ADAMTSL1: variants seen among roughly 807,000 people sequenced by gnomAD.
The protein encoded by ADAMTSL1 is ADAMTS like 1.
Under a neutral mutation model 201.8 loss-of-function variants are expected in ADAMTSL1, and 126 were observed. The ratio of observed to expected loss-of-function variants is 0.62; its 90% CI spans 0.54 to 0.72. ADAMTSL1 has a LOEUF of 0.72. Among genes scored for constraint, ADAMTSL1 ranks in the 30% least tolerant of loss-of-function variants. The pLI, the probability that ADAMTSL1 is intolerant of heterozygous loss-of-function variation, is 0.00. For synonymous variants in ADAMTSL1, 1,121 were observed against 903.4 expected, an observed-to-expected ratio of 1.24 and a Z score of -4.32; for missense variants, 2,679 against 2,277.8, an observed-to-expected ratio of 1.18 and a Z score of -3.59.
intron 1 of ADAMTSL1, among the ~76,000 whole-genome samples, chr9:18,104,306 C>T (rs1824660712): frequency 6.6e-6 from 1 of 152,154 alleles, no homozygotes; most frequent in South Asian, 2.1e-4. Flanking sequence ...TGCATGCTTC[C>T]CTTCCACTGA....
chr9:18,191,412 A>G (rs1828963649), intron 2 of ADAMTSL1, among the ~76,000 whole-genome samples: 1 of 152,166 alleles, frequency 6.6e-6, no homozygotes, highest in Non-Finnish European at 1.5e-5. Context: ...GACTGATGGC[A>G]TCTCAGGCGA....
chr9:18,855,003 C>A (rs994480578), intron 23 of ADAMTSL1, among the ~76,000 whole-genome samples: 16 of 152,262 alleles, frequency 1.1e-4, no homozygotes, highest in Admixed American at 2.0e-4. Context: ...GCCACTGATG[C>A]CTCTTTGAGT....
chr9:18,238,470 G>T (rs1830934540), intron 2 of ADAMTSL1, among the ~76,000 whole-genome samples: 1 of 152,014 alleles, frequency 6.6e-6, no homozygotes, highest in Non-Finnish European at 1.5e-5. Context: ...GGTCATAACT[G>T]GGTGCCAGTC....
chr9:18,520,707 C>T (rs7041646), intron 2 of ADAMTSL1, among the ~76,000 whole-genome samples: 3 of 152,200 alleles, frequency 2.0e-5, no homozygotes, highest in African/African-American at 7.2e-5. Flanking sequence ...TGGATGATGC[C>T]TGGCAGCATG....
intron 1 of ADAMTSL1, among the ~76,000 whole-genome samples, chr9:18,097,786 G>A (rs1824319946): frequency 6.6e-6 from 1 of 151,632 alleles, no homozygotes; most frequent in Middle Eastern, 3.2e-3. Flanking sequence ...TTCCTAGGTT[G>A]TAAAGATTCT....
chr9:18,374,656 C>T (rs1196697778), intron 2 of ADAMTSL1, among the ~76,000 whole-genome samples: 1 of 152,116 alleles, frequency 6.6e-6, no homozygotes, highest in Non-Finnish European at 1.5e-5. Context: ...CTTTTTTAAA[C>T]ATTATTCCTG....
intron 2 of ADAMTSL1, among the ~76,000 whole-genome samples, chr9:18,244,848 G>A (rs1202376160): frequency 1.3e-5 from 2 of 152,024 alleles, no homozygotes; most frequent in African/African-American, 4.8e-5. Flanking sequence ...CCACCCTACT[G>A]TAACCTCATT....
At chr9:18,684,601 A>C (rs1830709880) in intron 12 of ADAMTSL1, 115 bp from the exon 13 acceptor site, 6 of 1,191,826 alleles carry the variant, frequency 5.0e-6, no homozygotes, top group Non-Finnish European at 6.7e-6. Flanking sequence ...TTACCCAAAA[A>C]CTTATTCGTG....
chr9:18,221,373 T>C (rs568347201), intron 2 of ADAMTSL1, among the ~76,000 whole-genome samples: 43 of 152,344 alleles, frequency 2.8e-4, no homozygotes, highest in South Asian at 1.9e-3. Flanking sequence ...CCTTTATGTG[T>C]TCACACAGTG....
At chr9:17,926,430 C>G (rs910506944) in intron 1 of ADAMTSL1, among the ~76,000 whole-genome samples, 2 of 152,024 alleles carry the variant, frequency 1.3e-5, no homozygotes, top group African/African-American at 2.4e-5. Flanking sequence ...GTCAGGAACG[C>G]TTGGCTCACT....
In ADAMTSL1 at chr9:18,056,353, G is replaced by T. The variant is rs186713989; in HGVS notation, c.88-107509G>T. ...AGGCAGGGTTGGATTCATTTAGTATGTAATGGCTTAGACAAGAGCGTGTTT... is the reference window on the plus strand; with the variant it reads ...AGGCAGGGTTGGATTCATTTAGTATTTAATGGCTTAGACAAGAGCGTGTTT... On this transcript the variant is annotated intron_variant, in intron 1 of 29. Transcript: ENST00000680146. Among the ~76,000 whole-genome samples, 4 of 152,280 alleles carry T rather than the reference G, an allele frequency of 2.6e-5. No individual in the cohort carries two copies. The East Asian group carries it at 7.7e-4, about 29-fold the overall frequency.
chr9:18,706,411 A>G (rs563128088), intron 13 of ADAMTSL1, among the ~76,000 whole-genome samples: 11 of 152,224 alleles, frequency 7.2e-5, no homozygotes, highest in Admixed American at 1.3e-4. Context: ...ACAAATTCCT[A>G]TCTCATTGGA....
At chr9:18,650,173 G>T (rs538122513) in intron 7 of ADAMTSL1, among the ~76,000 whole-genome samples, 2 of 152,314 alleles carry the variant, frequency 1.3e-5, no homozygotes, top group South Asian at 4.1e-4. Context: ...GTGAGACTCC[G>T]TGGGCGTGGG....
At chr9:18,882,374 G>C (rs550963907) in intron 23 of ADAMTSL1, among the ~76,000 whole-genome samples, 42 of 152,068 alleles carry the variant, frequency 2.8e-4, no homozygotes, top group Admixed American at 2.7e-3. Context: ...AGGGAGACAC[G>C]CATTTGCCTA....
At chr9:18,772,075 AGCATGTGTACATTTGTGTGTGTGT>A (rs1429473160) in intron 17 of ADAMTSL1, among the ~76,000 whole-genome samples, 4 of 152,206 alleles carry the variant, frequency 2.6e-5, no homozygotes, top group Non-Finnish European at 5.9e-5. Context: ...GTGTAAAATG[AGCATGTGTACATTTGTGTGTGTGT>A]GCATGTGCAT....
chr9:18,263,532 A>G (rs556659403), intron 2 of ADAMTSL1, among the ~76,000 whole-genome samples: 2 of 152,222 alleles, frequency 1.3e-5, no homozygotes, highest in Admixed American at 6.5e-5. Context: ...GCTCTCATTT[A>G]TATGTTGACA....
chr9:17,913,436 G>C (rs1274544297), intron 1 of ADAMTSL1, among the ~76,000 whole-genome samples: 1 of 152,060 alleles, frequency 6.6e-6, no homozygotes, highest in East Asian at 1.9e-4. Context: ...GGATTCCTAG[G>C]TATTTTATTC....
In ADAMTSL1 at chr9:18,343,340, A is replaced by T. The variant is rs61119454; in HGVS notation, c.208-161489A>T. Reference sequence around the variant, plus strand: ...TCTCTACTTCTGTGCTTTCCTTTTCACCCTCTCTCTCTCCCTTGTTTGCAT... The same window carrying T: ...TCTCTACTTCTGTGCTTTCCTTTTCTCCCTCTCTCTCTCCCTTGTTTGCAT... On this transcript the variant is annotated intron_variant, in intron 2 of 29. Coordinates refer to the ADAMTSL1 transcript ENST00000680146. Among the ~76,000 whole-genome samples, 1,370 of 151,166 alleles carry T rather than the reference A, an allele frequency of 9.1e-3. 25 individuals carry two copies. The highest frequency in any genetic ancestry group is 0.031 in the African/African-American group (1,294 of 41,108).
chr9:18,777,825 T>G lies in ADAMTSL1; in HGVS notation c.3596T>G (p.Leu1199Arg). 1 of 1,611,068 alleles carries G rather than the reference T, an allele frequency of 6.2e-7. No homozygotes were observed. The highest frequency in any genetic ancestry group is 2.2e-5 in the East Asian group (1 of 44,782). Residue 1199 changes from leucine (L) to arginine (R), a missense_variant, in exon 19 of 29, where the codon CTT becomes CGT. Transcript: ENST00000380548. ...VALASGTLSV[L>R]LHCEAIGHPR... is the part of the protein sequence containing the mutation. ...CTGGCCAGCGGGACACTGAGTGTTC[T>G]TCTGCACTGTGAGGCCATCGGCCAC...
Sources: gnomAD v4.1 joint callset for allele counts (sites outside exome capture counted in the v4.1 genomes callset) on GRCh38, gnomAD v4.1.1 for gene constraint, MANE v1.5 for transcripts, NCBI Gene and HGNC (gene_info 2026-07-23, HGNC 2026-07-21) for gene names.